The following RBFOX1 variants were observed in gnomAD, a reference collection of about 807,000 sequenced individuals.
RBFOX1 encodes the protein RNA binding protein fox-1 homolog 1.
A neutral mutation model predicts 57.7 loss-of-function variants in RBFOX1; 8 were observed. The ratio of observed to expected loss-of-function variants is 0.14; its 90% CI spans 0.08 to 0.25. The LOEUF (loss-of-function observed/expected upper bound fraction) is 0.25, where lower values mean the gene tolerates loss of function less well. Ranked by LOEUF, RBFOX1 falls within the 10% of genes least tolerant of loss-of-function variation. RBFOX1 has a pLI of 1.00. For synonymous variants in RBFOX1, 326 were observed against 222.4 expected (o/e 1.47, Z -4.15); for missense variants, 611 against 548.5 (o/e 1.11, Z -1.14).
At chr16:5,974,209 C>T (rs1187468040) in intron 4 of RBFOX1, among the ~76,000 whole-genome samples, 1 of 152,212 alleles carries the variant, frequency 6.6e-6, no homozygotes, top group Non-Finnish European at 1.5e-5. Context: ...TAGCCCTCAA[C>T]TGCTTCAGCT....
chr16:6,685,113 A>C (rs1420152708), intron 3 of RBFOX1, among the ~76,000 whole-genome samples: 1 of 152,176 alleles, frequency 6.6e-6, no homozygotes, highest in East Asian at 1.9e-4. Context: ...CTGTCCAGAA[A>C]GGAATGCTAA....
intron 4 of RBFOX1, among the ~76,000 whole-genome samples, chr16:7,082,498 C>T (rs918420904): frequency 6.6e-6 from 1 of 151,170 alleles, no homozygotes; most frequent in African/African-American, 2.4e-5. Flanking sequence ...GGGAGGATCG[C>T]TTGAGCCTGG....
chr16:7,664,954 G>A lies in RBFOX1; in HGVS notation c.916G>A (p.Gly306Ser). The change falls in exon 13 of 16, where the codon GGT becomes AGT. Residue 306 changes from glycine to serine, a missense_variant. Transcript: ENST00000550418. ...GGVVYQDGFY[G>S]ADIYGGYAAY... is the part of the protein sequence containing the mutation. The stretch of plus-strand genomic sequence containing the variant: ...TGTTGTTTACCAGGATGGATTTTAT[G>A]GTGCAGACATTTATGTAAGTATTCA... 10 of 1,613,852 alleles carry A rather than the reference G, an allele frequency of 6.2e-6. No individual in the cohort carries two copies. Among genetic ancestry groups the A allele is most frequent in the Non-Finnish European group, 8.5e-6 (10 of 1,179,842 alleles).
chr16:7,311,660 T>C (rs2096312821), intron 4 of RBFOX1, among the ~76,000 whole-genome samples: 1 of 151,972 alleles, frequency 6.6e-6, no homozygotes, highest in Non-Finnish European at 1.5e-5. Context: ...TTGAGAGCAA[T>C]ATTGGTACCT....
chr16:6,057,701 G>A (rs573403072), intron 1 of RBFOX1, among the ~76,000 whole-genome samples: 17 of 152,198 alleles, frequency 1.1e-4, no homozygotes, highest in African/African-American at 4.1e-4. Flanking sequence ...GCTTGAAGAT[G>A]TTGGTGTCCT....
chr16:7,210,084 A>G (rs568177894), intron 4 of RBFOX1, among the ~76,000 whole-genome samples: 10 of 152,328 alleles, frequency 6.6e-5, no homozygotes, highest in African/African-American at 1.9e-4. Flanking sequence ...AATGAAGTGC[A>G]TCTTTGCAGT....
At chr16:7,253,970 A>G (rs2094581405) in intron 4 of RBFOX1, among the ~76,000 whole-genome samples, 1 of 152,178 alleles carries the variant, frequency 6.6e-6, no homozygotes, top group South Asian at 2.1e-4. Flanking sequence ...TGAGACAGCA[A>G]AGGAAGAATT....
chr16:5,598,180 C>A (rs1843649), intron 2 of RBFOX1, among the ~76,000 whole-genome samples: 2 of 151,544 alleles, frequency 1.3e-5, no homozygotes, highest in East Asian at 3.9e-4. Context: ...TGCCTATAGT[C>A]CCAGCAACTT....
chr16:7,261,382 G>T (rs2094913158), intron 4 of RBFOX1, among the ~76,000 whole-genome samples: 1 of 152,206 alleles, frequency 6.6e-6, no homozygotes, highest in South Asian at 2.1e-4. Flanking sequence ...CAAGGCAGCA[G>T]AATGTGTCCT....
chr16:7,446,890 G>C (rs2098812964), intron 4 of RBFOX1, among the ~76,000 whole-genome samples: 1 of 122,462 alleles, frequency 8.2e-6, no homozygotes, highest in Non-Finnish European at 1.6e-5. Context: ...TCGGCTCACT[G>C]CAAACTCCAC....
At chr16:7,280,356 G>C (rs978186133) in intron 4 of RBFOX1, among the ~76,000 whole-genome samples, 5 of 152,208 alleles carry the variant, frequency 3.3e-5, no homozygotes, top group African/African-American at 1.2e-4. Flanking sequence ...ACTATTAACA[G>C]TAGGTCATCC....
chr16:7,678,068 T>C (rs1471732912), intron 14 of RBFOX1, among the ~76,000 whole-genome samples: 1 of 152,218 alleles, frequency 6.6e-6, no homozygotes, highest in Non-Finnish European at 1.5e-5. Flanking sequence ...CATACACTTG[T>C]AACAAATGGC....
At chr16:6,764,222 G>A (rs2154201052) in intron 3 of RBFOX1, among the ~76,000 whole-genome samples, 1 of 152,300 alleles carries the variant, frequency 6.6e-6, no homozygotes, top group Middle Eastern at 3.4e-3. Flanking sequence ...TCAGTTTTAT[G>A]ACAGCAGCTG....
chr16:5,509,988 A>C (rs891397800), intron 2 of RBFOX1, among the ~76,000 whole-genome samples: 1 of 152,186 alleles, frequency 6.6e-6, no homozygotes, highest in Non-Finnish European at 1.5e-5. Context: ...GCTTGGAGCC[A>C]GAGTGCCTGT....
intron 3 of RBFOX1, among the ~76,000 whole-genome samples, chr16:5,641,637 G>C (rs926451817): frequency 6.6e-6 from 1 of 152,230 alleles, no homozygotes; most frequent in Non-Finnish European, 1.5e-5. Context: ...ACCTGGCACT[G>C]CAGTGGCCTG....
rs569441711 is a variant in RBFOX1, at chr16:6,771,156, G to T, written c.-16+116506G>T. On this transcript the variant is annotated intron_variant, in intron 3 of 15. Coordinates refer to ENST00000550418, the MANE Select transcript of RBFOX1 (RefSeq NM_018723.4). ...ATACCATATAAACAACACAGAGGGG[G>T]AAGATGGTCGTCTGCAAGCCAAGGA... 3.9e-5 allele frequency among the ~76,000 whole-genome samples: 6 copies of T among 152,224 alleles called. No individual in the cohort carries two copies. In the East Asian group the frequency reaches 1.2e-3, roughly 29 times the overall value.
chr16:6,900,875 C>T (rs922804864), intron 3 of RBFOX1, among the ~76,000 whole-genome samples: 4 of 152,170 alleles, frequency 2.6e-5, no homozygotes, highest in Non-Finnish European at 4.4e-5. Flanking sequence ...ATGCAGGGAG[C>T]TACATATGTC....
intron 1 of RBFOX1, among the ~76,000 whole-genome samples, chr16:5,415,315 G>T (rs895318602): frequency 6.6e-6 from 1 of 152,158 alleles, no homozygotes; most frequent in South Asian, 2.1e-4. Context: ...ACTTTAAAAC[G>T]ACCAGCTCTG....
chr16:6,267,747 A>G (rs2074701203), intron 1 of RBFOX1, among the ~76,000 whole-genome samples: 1 of 152,142 alleles, frequency 6.6e-6, no homozygotes, highest in Non-Finnish European at 1.5e-5. Flanking sequence ...ATTCGGGTAC[A>G]AGTCGCTTAG....
Sources: allele counts gnomAD v4.1 joint callset (sites outside exome capture counted in the v4.1 genomes callset), GRCh38; gene constraint gnomAD v4.1.1; transcripts MANE v1.5; gene names NCBI Gene and HGNC (gene_info 2026-07-23, HGNC 2026-07-21).